Variants in MMP16 observed in about 807,000 individuals in gnomAD.
MMP16 encodes the protein matrix metalloproteinase-16.
Under a neutral mutation model 67.8 loss-of-function variants are expected in MMP16, and 12 were observed. That is an observed-to-expected ratio of 0.18 (90% CI 0.11 to 0.29). MMP16 has a LOEUF of 0.29. Among genes scored for constraint, MMP16 ranks in the 10% least tolerant of loss-of-function variants. MMP16 has a pLI of 1.00. For synonymous variants in MMP16, 249 were observed against 255.9 expected, an observed-to-expected ratio of 0.97 and a Z score of 0.26; for missense variants, 475 against 765.7, an observed-to-expected ratio of 0.62 and a Z score of 4.48.
intron 4 of MMP16, among the ~76,000 whole-genome samples, chr8:88,153,355 G>T (rs1231996100): frequency 6.6e-6 from 1 of 151,882 alleles, no homozygotes; most frequent in Non-Finnish European, 1.5e-5. Context: ...CACAGAATTG[G>T]AAAAAACTAC....
chr8:88,113,376 T>G (rs941979359), intron 6 of MMP16, among the ~76,000 whole-genome samples: 1 of 151,750 alleles, frequency 6.6e-6, no homozygotes, highest in African/African-American at 2.4e-5. Context: ...TAAGTGTTGA[T>G]GGGCAAGGGT....
At chr8:88,176,475 AG>A (rs1404023244) in intron 3 of MMP16, among the ~76,000 whole-genome samples, 4 of 152,222 alleles carry the variant, frequency 2.6e-5, no homozygotes, top group Non-Finnish European at 5.9e-5. Flanking sequence ...AGGTCAAAAA[AG>A]GACAGTATCT....
chr8:88,104,563 G>T (rs1809203316), intron 6 of MMP16, among the ~76,000 whole-genome samples: 1 of 151,530 alleles, frequency 6.6e-6, no homozygotes, highest in African/African-American at 2.4e-5. Context: ...CTATTGCGCT[G>T]CCAGTCATGT....
chr8:88,195,620 C>CAT lies in MMP16; in HGVS notation c.281+1536_281+1537dup, dbSNP rs548810013. ...AACTATATTTATTTAAGGCAAGGGG[C>CAT]ATATTATGCCTTAAAATGATATTAT... On this transcript the variant is annotated intron_variant, in intron 2 of 9. Transcript: ENST00000286614. Among the ~76,000 whole-genome samples the CAT allele has an allele frequency of 2.5e-3, 375 of 152,222 alleles. 1 individual carries two copies. The highest frequency in any genetic ancestry group is 8.7e-3 in the African/African-American group (360 of 41,542).
chr8:88,071,706 A>G (rs1196396503), intron 7 of MMP16, among the ~76,000 whole-genome samples: 7 of 152,266 alleles, frequency 4.6e-5, no homozygotes, highest in Admixed American at 2.6e-4. Context: ...GGTTCATTCG[A>G]TCAATCTTTA....
intron 1 of MMP16, among the ~76,000 whole-genome samples, chr8:88,221,480 C>T (rs1457244201): frequency 6.6e-6 from 1 of 151,856 alleles, no homozygotes; most frequent in African/African-American, 2.4e-5. Context: ...AATAACATAA[C>T]ATTTAAAAAG....
At position 88,195,420 on chromosome 8, in the gene MMP16, C is replaced by T. The variant is rs566111211; in HGVS notation, c.281+1738G>A. Among the ~76,000 whole-genome samples the T allele has an allele frequency of 4.6e-5, 7 of 152,006 alleles. No homozygotes were observed. The South Asian group carries it at 1.0e-3, about 22-fold the overall frequency. ...AGTTTATTTGTATTTTTATGAATTG[C>T]GTCATATTTTCCAAGAAAGTGAATC... On this transcript the variant is annotated intron_variant, in intron 2 of 9. Transcript: ENST00000286614.
Position 88,310,434 on chromosome 8 carries a change from G to T in MMP16, c.132+16641C>A, listed in dbSNP as rs572899684. ...TAATTGAAGTAAATGTAAGGTAAAG[G>T]CACCATACTGTCATCCAGTATGGGC... On this transcript the variant is annotated intron_variant, in intron 1 of 9. Coordinates refer to ENST00000286614, the MANE Select transcript of MMP16 (RefSeq NM_005941.5). 2.0e-5 allele frequency among the ~76,000 whole-genome samples: 3 copies of T among 152,140 alleles called. No homozygotes were observed. In the East Asian group the frequency reaches 5.8e-4, roughly 29 times the overall value.
chr8:88,287,660 G>C (rs1212446717), intron 1 of MMP16, among the ~76,000 whole-genome samples: 1 of 152,062 alleles, frequency 6.6e-6, no homozygotes, highest in Non-Finnish European at 1.5e-5. Context: ...TGAGTTGTAG[G>C]GGCCTAAATA....
At chr8:88,178,436 G>C (rs1808927619) in intron 3 of MMP16, among the ~76,000 whole-genome samples, 1 of 152,186 alleles carries the variant, frequency 6.6e-6, no homozygotes, top group South Asian at 2.1e-4. Context: ...ATTAAACATG[G>C]CAAAGGAAAT....
chr8:88,291,369 AT>A (rs1301757402), intron 1 of MMP16, among the ~76,000 whole-genome samples: 1 of 152,174 alleles, frequency 6.6e-6, no homozygotes, highest in Non-Finnish European at 1.5e-5. Context: ...TGTGGCTAAA[AT>A]TTTTAGAAGC....
intron 1 of MMP16, among the ~76,000 whole-genome samples, chr8:88,322,984 T>C (rs1199495268): frequency 6.6e-6 from 1 of 152,168 alleles, no homozygotes; most frequent in Non-Finnish European, 1.5e-5. Flanking sequence ...GCCAGCATAT[T>C]TGAGACGTTT....
At chr8:88,247,376 C>T (rs549258139) in intron 1 of MMP16, among the ~76,000 whole-genome samples, 2 of 152,156 alleles carry the variant, frequency 1.3e-5, no homozygotes, top group Middle Eastern at 6.8e-3. Context: ...AAATTGCCAT[C>T]ATTATATTAG....
At chr8:88,146,748 G>A (rs568796706) in intron 4 of MMP16, among the ~76,000 whole-genome samples, 3 of 151,062 alleles carry the variant, frequency 2.0e-5, no homozygotes, top group South Asian at 4.2e-4. Context: ...ATGTACTAAC[G>A]TACAGGGGCA....
At chr8:88,223,411 C>T (rs538758962) in intron 1 of MMP16, among the ~76,000 whole-genome samples, 1 of 152,066 alleles carries the variant, frequency 6.6e-6, no homozygotes, top group South Asian at 2.1e-4. Flanking sequence ...TATTGTGTCA[C>T]TATTCACAAT....
intron 1 of MMP16, among the ~76,000 whole-genome samples, chr8:88,236,770 CAGCCCTATGATCAAAGCT>C (rs1809947999): frequency 3.3e-5 from 3 of 90,334 alleles, no homozygotes; most frequent in African/African-American, 1.9e-4. Context: ...AACAGAAGAC[CAGCCCTATGATCAAAGCT>C]TTTCACCTTC....
chr8:88,233,450 G>A (rs1809893995), intron 1 of MMP16, among the ~76,000 whole-genome samples: 1 of 152,074 alleles, frequency 6.6e-6, no homozygotes, highest in Admixed American at 6.5e-5. Flanking sequence ...ACCCATAGGA[G>A]ATACCTTGGT....
chr8:88,041,355 C>G lies in MMP16; in HGVS notation c.*106G>C. 1 of 1,183,566 alleles carries G rather than the reference C, an allele frequency of 8.4e-7. No individual in the cohort carries two copies. The highest frequency in any genetic ancestry group is 2.4e-5 in the East Asian group (1 of 42,402). The allele number at this position is 1,183,566 out of a possible 1,614,324, so 73.3% of individuals were successfully genotyped here. A position where few individuals can be genotyped will look rare whatever the true frequency, so the allele number is the denominator to read the frequency against. ...TTTGAAAGGTCAGCCCCGAATCAGG[C>G]TGCCACAAGCCTGCTCCTAGCTAGG... On this transcript the variant is annotated 3_prime_UTR_variant, in exon 10 of 10. Coordinates refer to ENST00000286614, the MANE Select transcript of MMP16 (RefSeq NM_005941.5). This position sits in a 1 kb window ranked among gnomAD's most constrained non-coding sequence, Gnocchi z 6.0.
At chr8:88,142,642 A>G (rs1054323419) in intron 4 of MMP16, among the ~76,000 whole-genome samples, 40 of 152,280 alleles carry the variant, frequency 2.6e-4, no homozygotes, top group African/African-American at 9.6e-4. Flanking sequence ...TTATGGGTTT[A>G]ATGATAAATC....
Sources: gnomAD v4.1 joint callset for allele counts (sites outside exome capture counted in the v4.1 genomes callset) on GRCh38, gnomAD v4.1.1 for gene constraint, Gnocchi (gnomAD v3.1) non-coding constraint, MANE v1.5 for transcripts, NCBI Gene and HGNC (gene_info 2026-07-23, HGNC 2026-07-21) for gene names.